ATRNL1: variants seen among roughly 807,000 people sequenced by gnomAD.
ATRNL1 encodes attractin like 1, also known as attractin-like protein 1.
In ATRNL1, 95 loss-of-function variants were observed where a neutral mutation model predicts 182.7. The ratio of observed to expected loss-of-function variants is 0.52; its 90% CI spans 0.44 to 0.62. ATRNL1 has a LOEUF of 0.62. Among genes scored for constraint, ATRNL1 ranks in the 20% least tolerant of loss-of-function variants. The pLI is 0.00. For synonymous variants in ATRNL1, 576 were observed against 568.3 expected (o/e 1.01, Z -0.19); for missense variants, 1,471 against 1,679.5 (o/e 0.88, Z 2.17).
chr10:115,160,376 T>C (rs1846726027), intron 6 of ATRNL1, among the ~76,000 whole-genome samples, 162 bp downstream of exon 6: 1 of 151,938 alleles, frequency 6.6e-6, no homozygotes, highest in Non-Finnish European at 1.5e-5. Context: ...AGTATGTCCA[T>C]AGCTGTCATT....
chr10:115,573,669 A>T (rs1555004176), intron 26 of ATRNL1, among the ~76,000 whole-genome samples: 1 of 152,150 alleles, frequency 6.6e-6, no homozygotes, highest in Admixed American at 6.5e-5. Flanking sequence ...GTTACAACTC[A>T]GTGAGCAAGA....
At chr10:115,486,278 G>A (rs138403562) in intron 24 of ATRNL1, among the ~76,000 whole-genome samples, 5,586 of 152,114 alleles carry the variant, frequency 0.037, 312 homozygotes, top group African/African-American at 0.13. Flanking sequence ...AGATTGCTGG[G>A]TCAAATAGTA....
chr10:115,932,187 T>C (rs1042802517), intron 28 of ATRNL1, among the ~76,000 whole-genome samples: 1 of 152,232 alleles, frequency 6.6e-6, no homozygotes, highest in Non-Finnish European at 1.5e-5. Context: ...TCAAAATTGC[T>C]TCAGAGAATC....
At chr10:115,453,845 C>A (rs1206953736) in intron 21 of ATRNL1, among the ~76,000 whole-genome samples, 7 of 150,510 alleles carry the variant, frequency 4.7e-5, no homozygotes, top group African/African-American at 1.5e-4. Context: ...ATACCTAATG[C>A]TAAATGATGA....
chr10:115,121,637 G>C (rs1592129047), intron 2 of ATRNL1, 62 bp from the exon 3 acceptor site: 2 of 585,808 alleles, frequency 3.4e-6, no homozygotes, highest in Admixed American at 5.8e-5. Context: ...TAAATATTAT[G>C]TATTTATTCA....
At chr10:115,581,393 T>A (rs1855065591) in intron 26 of ATRNL1, among the ~76,000 whole-genome samples, 1 of 152,082 alleles carries the variant, frequency 6.6e-6, no homozygotes, top group Non-Finnish European at 1.5e-5. Context: ...GGAGTTTACC[T>A]CTTACTCAAT....
chr10:115,637,614 A>ATTATTG (rs1423337558), intron 26 of ATRNL1, among the ~76,000 whole-genome samples: 1 of 147,184 alleles, frequency 6.8e-6, no homozygotes, highest in Non-Finnish European at 1.5e-5. Context: ...TATTATTATT[A>ATTATTG]TTATTATTAT....
chr10:115,634,122 G>A (rs1555027284), intron 26 of ATRNL1, among the ~76,000 whole-genome samples: 5 of 151,926 alleles, frequency 3.3e-5, no homozygotes, highest in African/African-American at 9.7e-5. Context: ...ATTAAAATTA[G>A]CGTCTGTGGA....
intron 24 of ATRNL1, among the ~76,000 whole-genome samples, chr10:115,495,182 G>A (rs183683795): frequency 2.0e-5 from 3 of 151,980 alleles, no homozygotes; most frequent in Admixed American, 6.5e-5. Context: ...GTAGTGTTAT[G>A]TTTGTCATTT....
At position 115,266,778 on chromosome 10, in the gene ATRNL1, C is replaced by A; in HGVS notation, c.1773-19C>A. On this transcript the variant is annotated intron_variant, in intron 11 of 28. Transcript: ENST00000355044. ...CTTTTAATAGCGTTTCTTTAAGATT[C>A]TTGTTTTGTTTTTAATAGGTCCATG... is the stretch of plus-strand genomic sequence containing the variant. 1 of 1,453,298 alleles carries A rather than the reference C, an allele frequency of 6.9e-7. No individual in the cohort carries two copies. The highest frequency in any genetic ancestry group is 9.4e-7 in the Non-Finnish European group (1 of 1,063,262). 90.0% of individuals were successfully genotyped at this position (1,453,298 alleles called of 1,614,324 possible). A position where few individuals can be genotyped will look rare whatever the true frequency, so the allele number is the denominator to read the frequency against.
chr10:115,641,455 C>A (rs1859243162), intron 26 of ATRNL1, among the ~76,000 whole-genome samples: 1 of 152,072 alleles, frequency 6.6e-6, no homozygotes, highest in Admixed American at 6.6e-5. Context: ...CAGTTAAGTT[C>A]CTGAAATATT....
intron 3 of ATRNL1, among the ~76,000 whole-genome samples, chr10:115,125,496 A>AT (rs879992221): frequency 0.01 from 1,481 of 141,650 alleles, 24 homozygotes; most frequent in African/African-American, 0.031. Context: ...GAGAAGTGTT[A>AT]TTTTTTTTTT....
chr10:115,252,162 G>T (rs1311129519), intron 10 of ATRNL1, among the ~76,000 whole-genome samples: 1 of 152,082 alleles, frequency 6.6e-6, no homozygotes, highest in Non-Finnish European at 1.5e-5. Context: ...GAGTAGCTGG[G>T]ACTACAGGCG....
intron 19 of ATRNL1, among the ~76,000 whole-genome samples, chr10:115,388,759 T>G (rs1331989868): frequency 6.6e-6 from 1 of 152,202 alleles, no homozygotes; most frequent in South Asian, 2.1e-4. Flanking sequence ...TCATGGAGAT[T>G]TGTAATTTTG....
At chr10:115,921,929 A>T (rs1953076046) in intron 28 of ATRNL1, among the ~76,000 whole-genome samples, 1 of 152,224 alleles carries the variant, frequency 6.6e-6, no homozygotes, top group Non-Finnish European at 1.5e-5. Context: ...ATTGTATTTC[A>T]AACCTATGAC....
intron 27 of ATRNL1, among the ~76,000 whole-genome samples, chr10:115,844,583 C>A (rs1950886263): frequency 1.3e-5 from 2 of 151,988 alleles, no homozygotes; most frequent in Admixed American, 1.3e-4. Flanking sequence ...CCTAAAACAG[C>A]AACTTGAAAA....
At chr10:115,259,591 C>T (rs1554908150) in intron 10 of ATRNL1, among the ~76,000 whole-genome samples, 1 of 152,180 alleles carries the variant, frequency 6.6e-6, no homozygotes, top group Non-Finnish European at 1.5e-5. Flanking sequence ...TGATGCCCCA[C>T]CCTGCTTCGG....
chr10:115,258,684 G>A (rs1851264821), intron 10 of ATRNL1, among the ~76,000 whole-genome samples: 1 of 152,124 alleles, frequency 6.6e-6, no homozygotes, highest in South Asian at 2.1e-4. Flanking sequence ...ATCCTTTGGA[G>A]GAGAAGAGGC....
intron 24 of ATRNL1, among the ~76,000 whole-genome samples, chr10:115,486,247 T>C (rs2134635183): frequency 6.6e-6 from 1 of 152,242 alleles, no homozygotes; most frequent in Middle Eastern, 3.4e-3. Flanking sequence ...TTATAATCCT[T>C]TGGGTATATA....
Sources: allele counts gnomAD v4.1 joint callset (sites outside exome capture counted in the v4.1 genomes callset), GRCh38; gene constraint gnomAD v4.1.1; transcripts MANE v1.5; gene names NCBI Gene and HGNC (gene_info 2026-07-23, HGNC 2026-07-21).